RIMBP2: variants seen among roughly 807,000 people sequenced by gnomAD.
RIMBP2 encodes RIMS-binding protein 2.
RIMBP2 carries 48 observed loss-of-function variants against 118.6 expected under a neutral mutation model. The ratio of observed to expected loss-of-function variants is 0.40; its 90% CI spans 0.32 to 0.51. RIMBP2 has a LOEUF of 0.51. Among genes scored for constraint, RIMBP2 ranks in the 20% least tolerant of loss-of-function variants. The pLI, the probability that RIMBP2 is intolerant of heterozygous loss-of-function variation, is 0.41. For missense variants in RIMBP2, 1,551 were observed against 1,768.3 expected (o/e 0.88, Z 2.20); for synonymous variants, 762 against 742.9 (o/e 1.03, Z -0.42).
At position 130,680,104 on chromosome 12, in the gene RIMBP2, C is replaced by T. The variant is rs545306492; in HGVS notation, c.-352+36118G>A. On this transcript the variant is annotated intron_variant, in intron 1 of 22. Transcript: ENST00000690449. ...GGAAGGACCAGCAAGTGAGACCATG[C>T]AGGCAATATGCTTTGTATGGAAACA... 8.5e-5 allele frequency among the ~76,000 whole-genome samples: 13 copies of T among 152,376 alleles called. No individual in the cohort carries two copies. The South Asian group carries it at 1.2e-3, about 15-fold the overall frequency.
chr12:130,599,230 A>C (rs898007722), intron 2 of RIMBP2, among the ~76,000 whole-genome samples: 1 of 152,230 alleles, frequency 6.6e-6, no homozygotes, highest in African/African-American at 2.4e-5. Context: ...TAGATCTGAC[A>C]CCAAAGTACA....
intron 12 of RIMBP2, among the ~76,000 whole-genome samples, 186 bp downstream of exon 12, chr12:130,438,179 G>A (rs942218303): frequency 6.6e-6 from 1 of 152,178 alleles, no homozygotes; most frequent in Non-Finnish European, 1.5e-5. Context: ...GAGCGAGATG[G>A]GGGGAGTGCT....
chr12:130,484,260 C>A (rs1206577312), intron 4 of RIMBP2, among the ~76,000 whole-genome samples: 1 of 152,184 alleles, frequency 6.6e-6, no homozygotes, highest in Non-Finnish European at 1.5e-5. Flanking sequence ...GCTGCCACCA[C>A]CATCTGCCTG....
At chr12:130,653,904 G>C (rs1594150182) in intron 1 of RIMBP2, among the ~76,000 whole-genome samples, 1 of 152,350 alleles carries the variant, frequency 6.6e-6, no homozygotes, top group Middle Eastern at 3.4e-3. Context: ...GCAGTGTCCT[G>C]AAGCTGTGCA....
intron 4 of RIMBP2, among the ~76,000 whole-genome samples, chr12:130,480,977 C>G (rs1164263743): frequency 6.6e-6 from 1 of 152,218 alleles, no homozygotes; most frequent in Admixed American, 6.5e-5. Flanking sequence ...CGGACACACG[C>G]GTCCAAGAGA....
At chr12:130,572,882 G>A (rs533986819) in intron 2 of RIMBP2, among the ~76,000 whole-genome samples, 12 of 152,296 alleles carry the variant, frequency 7.9e-5, no homozygotes, top group Admixed American at 7.8e-4. Context: ...GCAGGAGCCA[G>A]GGTAGGAGCA....
At chr12:130,686,834 G>C (rs766604386) in intron 1 of RIMBP2, among the ~76,000 whole-genome samples, 1 of 152,238 alleles carries the variant, frequency 6.6e-6, no homozygotes, top group Non-Finnish European at 1.5e-5. Context: ...GTCGAGGCGG[G>C]AAGGGGACGC....
At position 130,431,345 on chromosome 12, in the gene RIMBP2, G is replaced by A. The variant is rs1402852898; in HGVS notation, c.2254-3008C>T. The A allele has an allele frequency of 1.8e-5, 6 of 342,208 alleles. No homozygotes were observed. Among genetic ancestry groups the A allele is most frequent in the Admixed American group, 5.6e-5 (2 of 35,408 alleles). 21.2% of individuals were successfully genotyped at this position (342,208 alleles called of 1,614,324 possible). A position where few individuals can be genotyped will look rare whatever the true frequency, so the allele number is the denominator to read the frequency against. ...GGCGGGCAGCATGGGGAAGCGGATG[G>A]TCAGGGAACACTTCCCGGGTTGTAA... On this transcript the variant is annotated intron_variant, in intron 14 of 22. Transcript: ENST00000690449. The surrounding 1 kb of genome is among the most constrained non-coding windows in gnomAD (Gnocchi z 4.0).
chr12:130,696,648 G>A (rs536534813), intron 1 of RIMBP2, among the ~76,000 whole-genome samples: 1 of 152,328 alleles, frequency 6.6e-6, no homozygotes, highest in East Asian at 1.9e-4. Flanking sequence ...GTTTAACAAA[G>A]GTGATTAGCA....
intron 1 of RIMBP2, among the ~76,000 whole-genome samples, chr12:130,696,207 C>A (rs900119788): frequency 2.6e-5 from 4 of 152,166 alleles, no homozygotes; most frequent in African/African-American, 9.7e-5. Flanking sequence ...CATGGGTACA[C>A]GCAAAACCTT....
chr12:130,543,726 A>G (rs2054824896), intron 2 of RIMBP2, among the ~76,000 whole-genome samples: 1 of 151,736 alleles, frequency 6.6e-6, no homozygotes, highest in Admixed American at 6.6e-5. Flanking sequence ...ATTTGGCCAC[A>G]TCATGAAAAT....
chr12:130,449,349 G>A (rs1250027960), intron 9 of RIMBP2, among the ~76,000 whole-genome samples: 2 of 152,242 alleles, frequency 1.3e-5, no homozygotes, highest in African/African-American at 2.4e-5. Context: ...GCCCACGTCC[G>A]CCTCTGCGGA....
At chr12:130,402,190 A>G (rs1469517308) in intron 21 of RIMBP2, among the ~76,000 whole-genome samples, 1 of 152,144 alleles carries the variant, frequency 6.6e-6, no homozygotes, top group African/African-American at 2.4e-5. Context: ...TCGCGGTGTG[A>G]ATACTGCTTT....
At chr12:130,571,834 C>T (rs1249503668) in intron 2 of RIMBP2, among the ~76,000 whole-genome samples, 1 of 152,162 alleles carries the variant, frequency 6.6e-6, no homozygotes, top group Non-Finnish European at 1.5e-5. Context: ...CTGCCCCACA[C>T]TGGCCTCCCT....
chr12:130,709,386 C>T (rs1036034054), intron 1 of RIMBP2, among the ~76,000 whole-genome samples: 4 of 152,248 alleles, frequency 2.6e-5, no homozygotes, highest in Admixed American at 1.3e-4. Flanking sequence ...ACCCACACCA[C>T]AGCTGGGGCT....
intron 1 of RIMBP2, among the ~76,000 whole-genome samples, chr12:130,639,487 C>CAAAAAAAAAAAAAAAAAA (rs138670754): frequency 1.1e-5 from 1 of 88,062 alleles, no homozygotes; most frequent in African/African-American, 4.9e-5. Flanking sequence ...GATCCTGCCT[C>CAAAAAAAAAAAAAAAAAA]AAAAAAAAAA....
intron 2 of RIMBP2, among the ~76,000 whole-genome samples, chr12:130,614,642 A>AGT (rs2060782554): frequency 6.6e-6 from 1 of 152,162 alleles, no homozygotes; most frequent in African/African-American, 2.4e-5. Context: ...TCTTTAGCAT[A>AGT]GCAGTGACGG....
At chr12:130,604,316 G>T (rs2060041780) in intron 2 of RIMBP2, among the ~76,000 whole-genome samples, 3 of 149,008 alleles carry the variant, frequency 2.0e-5, no homozygotes, top group East Asian at 2.0e-4. Flanking sequence ...AAACCTCACA[G>T]TAAGCTAAGG....
At chr12:130,400,715 C>T (rs2074453382) in intron 21 of RIMBP2, among the ~76,000 whole-genome samples, 1 of 152,172 alleles carries the variant, frequency 6.6e-6, no homozygotes, top group South Asian at 2.1e-4. Flanking sequence ...GAGAAAATGT[C>T]TGCAAGTCAT....
Sources: allele counts gnomAD v4.1 joint callset (sites outside exome capture counted in the v4.1 genomes callset), GRCh38; gene constraint gnomAD v4.1.1; non-coding constraint Gnocchi (gnomAD v3.1); transcripts MANE v1.5; gene names NCBI Gene and HGNC (gene_info 2026-07-23, HGNC 2026-07-21).